Variants in MGRN1 observed in about 807,000 individuals in gnomAD.
MGRN1 encodes E3 ubiquitin-protein ligase MGRN1.
In MGRN1, 29 loss-of-function variants were observed where a neutral mutation model predicts 69.2. That is an observed-to-expected ratio of 0.42 (90% CI 0.31 to 0.57). MGRN1 has a LOEUF of 0.57. Among genes scored for constraint, MGRN1 ranks in the 20% least tolerant of loss-of-function variants. MGRN1 has a pLI of 0.15. For missense variants in MGRN1, 998 were observed against 796.2 expected, an observed-to-expected ratio of 1.25 and a Z score of -3.05; for synonymous variants, 470 against 344.2, an observed-to-expected ratio of 1.37 and a Z score of -4.04.
intron 11 of MGRN1, among the ~76,000 whole-genome samples, chr16:4,678,705 C>G (rs528960592): frequency 6.6e-6 from 1 of 152,180 alleles, no homozygotes; most frequent in Non-Finnish European, 1.5e-5. Flanking sequence ...ACTGGCCACG[C>G]GCATTGTCAG....
At chr16:4,643,206 CCT>C (rs2078201038) in intron 1 of MGRN1, among the ~76,000 whole-genome samples, 1 of 151,822 alleles carries the variant, frequency 6.6e-6, no homozygotes, top group South Asian at 2.1e-4. Context: ...GTGATCCACT[CCT>C]CTCGGCCTCC....
At chr16:4,638,127 C>T (rs1451073492) in intron 1 of MGRN1, among the ~76,000 whole-genome samples, 2 of 152,066 alleles carry the variant, frequency 1.3e-5, no homozygotes, top group African/African-American at 2.4e-5. Flanking sequence ...ATTTTTTATC[C>T]TCAGGACGTC....
chr16:4,687,915 A>G (rs959201052), intron 16 of MGRN1: 20 of 985,114 alleles, frequency 2.0e-5, no homozygotes, highest in African/African-American at 3.5e-5. Flanking sequence ...GAGCCATTAT[A>G]CCCCTAGATT....
chr16:4,630,304 G>A (rs1219827320), intron 1 of MGRN1, among the ~76,000 whole-genome samples: 3 of 145,258 alleles, frequency 2.1e-5, no homozygotes, highest in Admixed American at 1.4e-4. Flanking sequence ...GCAGTGAGCC[G>A]AGATTATGCC....
chr16:4,662,330 C>T (rs1399118255), intron 5 of MGRN1, among the ~76,000 whole-genome samples: 2 of 152,034 alleles, frequency 1.3e-5, no homozygotes, highest in Non-Finnish European at 2.9e-5. Context: ...GCTTGGCCAA[C>T]ATGGTGAAAC....
At chr16:4,688,761 G>C (rs369549492) in intron 16 of MGRN1, 35 bp from the exon 17 acceptor site, 2 of 1,518,350 alleles carry the variant, frequency 1.3e-6, no homozygotes, top group African/African-American at 2.8e-5. Flanking sequence ...CCAGGCATCC[G>C]AGTGTGACCC....
chr16:4,662,376 C>T (rs886512199), intron 5 of MGRN1, among the ~76,000 whole-genome samples: 2 of 151,798 alleles, frequency 1.3e-5, no homozygotes, highest in Non-Finnish European at 2.9e-5. Flanking sequence ...TTTAGCTGGG[C>T]GTGGTGGCGG....
Position 4,681,774 on chromosome 16 carries a change from C to T in MGRN1, c.1356C>T (p.Asp452=). The change falls in exon 13 of 17, where the codon GAC becomes GAT. Residue 452 remains aspartate (D), a splice_region_variant and synonymous_variant. Transcript: ENST00000262370. ...GCAGGCCGCAGAGCAAGGCCCCCGA[C>T]AGGTGAGCAGCAGCCAGGCCAGGTG... ...QKGRPQSKAP[D]STLRSPSSPI... 1.2e-6 allele frequency: 2 copies of T among 1,609,774 alleles called. No individual in the cohort carries two copies. The highest frequency in any genetic ancestry group is 2.2e-5 in the South Asian group (2 of 90,902).
At position 4,624,892 on chromosome 16, in the gene MGRN1, G is replaced by T. The variant is rs548808277; in HGVS notation, c.-69G>T. 2 of 1,379,422 alleles carry T rather than the reference G, an allele frequency of 1.4e-6. No homozygotes were observed. Among genetic ancestry groups the T allele is most frequent in the South Asian group, 1.3e-5 (1 of 74,336 alleles). 85.4% of individuals were successfully genotyped at this position (1,379,422 alleles called of 1,614,324 possible). A position where few individuals can be genotyped will look rare whatever the true frequency, so the allele number is the denominator to read the frequency against. ...GCGGCCTGGTCCGGGCCATGTCCGC[G>T]TGAGGACCCCGCCGCTGTCGCCGCT... is the stretch of plus-strand genomic sequence containing the variant. On this transcript the variant is annotated 5_prime_UTR_variant, in exon 1 of 17. Transcript: ENST00000262370.
chr16:4,624,989 C>A lies in MGRN1; in HGVS notation c.29C>A (p.Ala10Glu). MGSILSRRI[A>E]GVEDIDIQAN... ...GGCTCCATTCTCAGCCGCCGCATCG[C>A]GGGGGTGGAGGACATCGACATCCAG... Residue 10 changes from alanine to glutamate, a missense_variant, in exon 1 of 17, where the codon GCG becomes GAG. Transcript: ENST00000262370. The A allele has an allele frequency of 6.4e-7, 1 of 1,557,962 alleles. No homozygotes were observed. Among genetic ancestry groups the A allele is most frequent in the Non-Finnish European group, 8.7e-7 (1 of 1,154,658 alleles).
chr16:4,667,028 G>A (rs140724011), intron 7 of MGRN1, among the ~76,000 whole-genome samples: 98 of 152,312 alleles, frequency 6.4e-4, no homozygotes, highest in African/African-American at 2.3e-3. Context: ...GTGCACTGAC[G>A]TTCATCAGCA....
At chr16:4,652,647 C>T in intron 3 of MGRN1, 31 bp from the exon 4 acceptor site, 1 of 1,589,136 alleles carries the variant, frequency 6.3e-7, no homozygotes, top group Non-Finnish European at 8.6e-7. Context: ...GGCCGCTGAC[C>T]CGCTGCCTTT....
At chr16:4,686,200 G>A in intron 16 of MGRN1, 1 of 1,532,092 alleles carries the variant, frequency 6.5e-7, no homozygotes, top group Non-Finnish European at 8.7e-7. Context: ...CTGTGGCTGT[G>A]CTGGCTGCTG....
At chr16:4,633,293 G>T (rs887219923) in intron 1 of MGRN1, among the ~76,000 whole-genome samples, 1 of 152,018 alleles carries the variant, frequency 6.6e-6, no homozygotes, top group African/African-American at 2.4e-5. Context: ...GGAGGCTGAG[G>T]CAGGAGAACT....
intron 7 of MGRN1, 31 bp downstream of exon 7, chr16:4,665,182 G>A (rs1317521608): frequency 6.2e-7 from 1 of 1,613,560 alleles, no homozygotes; most frequent in Admixed American, 1.7e-5. Context: ...ACTTTCCCGG[G>A]GACCTGGGAG....
chr16:4,684,753 C>T (rs1394807306), intron 16 of MGRN1, among the ~76,000 whole-genome samples: 2 of 152,246 alleles, frequency 1.3e-5, no homozygotes, highest in Non-Finnish European at 2.9e-5. Context: ...TGTCTCAGCA[C>T]CTGCCACGAG....
Position 4,676,466 on chromosome 16 carries a change from G to T in MGRN1, c.956-997G>T, listed in dbSNP as rs576319077. 1.3e-4 allele frequency among the ~76,000 whole-genome samples: 20 copies of T among 152,338 alleles called. No homozygotes were observed. The South Asian group carries it at 4.1e-3, about 32-fold the overall frequency. ...TGGAATCTTCAGGTGTGTGGGGTCA[G>T]TGGGTCGGGGCCATCAGACTGGAGT... On this transcript the variant is annotated intron_variant, in intron 10 of 16. Transcript: ENST00000262370.
intron 5 of MGRN1, among the ~76,000 whole-genome samples, chr16:4,663,597 A>C (rs1457403489): frequency 2.0e-5 from 3 of 152,206 alleles, no homozygotes; most frequent in Admixed American, 2.0e-4. Context: ...CGAGGATGTC[A>C]TGGTGACTGG....
intron 11 of MGRN1, 138 bp from the exon 12 acceptor site, chr16:4,679,894 C>G (rs935375932): frequency 1.8e-5 from 15 of 819,460 alleles, no homozygotes; most frequent in Non-Finnish European, 2.9e-5. Flanking sequence ...TAGGACAGTC[C>G]CGAGATTCAC....
Sources: gnomAD v4.1 joint callset for allele counts (sites outside exome capture counted in the v4.1 genomes callset) on GRCh38, gnomAD v4.1.1 for gene constraint, MANE v1.5 for transcripts, NCBI Gene and HGNC (gene_info 2026-07-23, HGNC 2026-07-21) for gene names.